COQ8B: variants seen among roughly 807,000 people sequenced by gnomAD.
COQ8B encodes the protein atypical kinase COQ8B, mitochondrial.
COQ8B carries 44 observed loss-of-function variants against 62.0 expected under a neutral mutation model. That is an observed-to-expected ratio of 0.71 (90% CI 0.56 to 0.91). The LOEUF (loss-of-function observed/expected upper bound fraction) is 0.91. Among genes scored for constraint, COQ8B ranks in the 40% least tolerant of loss-of-function variants. The pLI is 0.00. For synonymous variants in COQ8B, 252 were observed against 289.9 expected (o/e 0.87, Z 1.33); for missense variants, 649 against 731.6 (o/e 0.89, Z 1.30).
chr19:40,715,268 G>A (rs2082177325), intron 1 of COQ8B: 37 of 986,070 alleles, frequency 3.8e-5, no homozygotes, highest in Non-Finnish European at 4.1e-5. Flanking sequence ...GCCCATCTGG[G>A]GGGATTGCTG....
chr19:40,710,812 A>G (rs765031687), intron 4 of COQ8B, among the ~76,000 whole-genome samples: 4 of 152,182 alleles, frequency 2.6e-5, no homozygotes, highest in Non-Finnish European at 4.4e-5. Flanking sequence ...AGCACCTCAG[A>G]TAATTCTAAT....
chr19:40,707,760 T>C (rs914419422), intron 5 of COQ8B, among the ~76,000 whole-genome samples: 4 of 152,210 alleles, frequency 2.6e-5, no homozygotes, highest in African/African-American at 9.6e-5. Flanking sequence ...CGGCCTCACT[T>C]AGTGTTTTCA....
At chr19:40,713,738 A>C (rs1272972307) in intron 4 of COQ8B, among the ~76,000 whole-genome samples, 4 of 145,004 alleles carry the variant, frequency 2.8e-5, no homozygotes, top group Non-Finnish European at 3.0e-5. Context: ...AAAAAAAATT[A>C]CCCGGGCGGA....
chr19:40,699,954 C>T, intron 12 of COQ8B, 113 bp downstream of exon 12: 1 of 997,524 alleles, frequency 1.0e-6, no homozygotes, highest in South Asian at 1.5e-5. Context: ...GGAAAAGGGC[C>T]ACCCCTGCCT....
intron 12 of COQ8B, among the ~76,000 whole-genome samples, chr19:40,698,753 G>C (rs918399437): frequency 2.6e-5 from 4 of 152,180 alleles, no homozygotes; most frequent in Non-Finnish European, 2.9e-5. Flanking sequence ...TGAGGGGGCT[G>C]TGAAGCTGTA....
At chr19:40,712,949 C>T (rs1180351248) in intron 4 of COQ8B, among the ~76,000 whole-genome samples, 1 of 152,162 alleles carries the variant, frequency 6.6e-6, no homozygotes, top group Non-Finnish European at 1.5e-5. Flanking sequence ...AGCAGTGGCT[C>T]ATGCCTAGAA....
At chr19:40,709,429 C>A (rs954768653) in intron 5 of COQ8B, among the ~76,000 whole-genome samples, 1 of 152,190 alleles carries the variant, frequency 6.6e-6, no homozygotes, top group Non-Finnish European at 1.5e-5. Flanking sequence ...TTTTTTATAA[C>A]GGCAAATGCT....
chr19:40,699,487 C>G (rs1286632885), intron 12 of COQ8B, among the ~76,000 whole-genome samples: 1 of 152,264 alleles, frequency 6.6e-6, no homozygotes, highest in African/African-American at 2.4e-5. Context: ...GCCAGGTCCC[C>G]CCACTGGACT....
At chr19:40,713,280 G>A (rs1054698853) in intron 4 of COQ8B, among the ~76,000 whole-genome samples, 7 of 152,128 alleles carry the variant, frequency 4.6e-5, no homozygotes, top group Admixed American at 2.0e-4. Context: ...TGAGGCAGGC[G>A]GATCACAAAG....
intron 13 of COQ8B, among the ~76,000 whole-genome samples, 184 bp downstream of exon 13, chr19:40,695,805 T>A (rs940411839): frequency 1.3e-5 from 2 of 152,224 alleles, no homozygotes; most frequent in Non-Finnish European, 2.9e-5. Flanking sequence ...TCGGTTCCTA[T>A]ACGTAAGCAC....
chr19:40,715,220 C>T, intron 1 of COQ8B: 1 of 985,096 alleles, frequency 1.0e-6, no homozygotes, highest in Non-Finnish European at 1.2e-6. Flanking sequence ...AGAGAGAGGC[C>T]CTAGCGATGG....
chr19:40,700,422 C>G lies in COQ8B; in HGVS notation c.923G>C (p.Arg308Pro). The G allele has an allele frequency of 1.9e-6, 3 of 1,613,832 alleles. No homozygotes were observed. Among genetic ancestry groups the G allele is most frequent in the Non-Finnish European group, 2.5e-6 (3 of 1,179,934 alleles). The change falls in exon 11 of 15, where the codon CGG (arginine) becomes CCG (proline). Residue 308 changes from arginine to proline, a missense_variant. Transcript: ENST00000324464. ...RQLLANDPFFRVPAVVKELCT... is the reference protein window; with the variant it reads ...RQLLANDPFFPVPAVVKELCT... ...CAGCTCCTTAACCACGGCTGGGACC[C>G]GGAAGAAGGGGTCATTTGCCAGCAG...
In COQ8B at chr19:40,692,960, A is replaced by G; in HGVS notation, c.1287T>C (p.Phe429=). 1 of 1,613,706 alleles carries G rather than the reference A, an allele frequency of 6.2e-7. No individual in the cohort carries two copies. Among genetic ancestry groups the G allele is most frequent in the South Asian group, 1.1e-5 (1 of 91,050 alleles). Residue 429 remains phenylalanine, a synonymous_variant, in exon 14 of 15, where the codon TTT becomes TTC. Transcript: ENST00000324464. ...KSRDLKFLTG[F]ETKAFSDAHV... Reference sequence around the variant, plus strand: ...CCCAGTGTCTCCCCACCTTGGTTTCAAAGCCTGTGAGGAATTTGAGGTCCC... The same window carrying G: ...CCCAGTGTCTCCCCACCTTGGTTTCGAAGCCTGTGAGGAATTTGAGGTCCC...
At chr19:40,712,484 A>G (rs1458568021) in intron 4 of COQ8B, among the ~76,000 whole-genome samples, 1 of 151,758 alleles carries the variant, frequency 6.6e-6, no homozygotes, top group African/African-American at 2.4e-5. Context: ...GCTACTCAGG[A>G]GGCTGAGGCA....
chr19:40,714,272 T>C lies in COQ8B; in HGVS notation c.222+6A>G. On this transcript the variant is annotated splice_donor_region_variant and intron_variant, in intron 3 of 14. Coordinates refer to ENST00000324464, the MANE Select transcript of COQ8B (RefSeq NM_024876.4). ...GGTGTTGCTGGGTGGGTGGGGGTAA[T>C]GATACCTGGGGCCGGGGTGTCTTCC... 1 of 1,610,754 alleles carries C rather than the reference T, an allele frequency of 6.2e-7. No individual in the cohort carries two copies. The highest frequency in any genetic ancestry group is 8.5e-7 in the Non-Finnish European group (1 of 1,178,202).
chr19:40,702,702 G>A lies in COQ8B; in HGVS notation c.800-9C>T, dbSNP rs768628572. ...CTGCTCGGCAAACAGGCCTGTGGGG[G>A]AGGTGTGTCAGCCAGGGAAGGGCCC... On this transcript the variant is annotated splice_polypyrimidine_tract_variant and intron_variant, in intron 9 of 14. Transcript: ENST00000324464. The A allele has an allele frequency of 5.6e-5, 90 of 1,605,890 alleles. No homozygotes were observed. Among genetic ancestry groups the A allele is most frequent in the Non-Finnish European group, 6.8e-5 (80 of 1,179,842 alleles).
At chr19:40,703,657 G>A (rs756123742) in intron 8 of COQ8B, 35 bp from the exon 9 acceptor site, 26 of 1,613,496 alleles carry the variant, frequency 1.6e-5, no homozygotes, top group Non-Finnish European at 2.0e-5. Flanking sequence ...GAAGGTGGGA[G>A]TCACTTCTCT....
At position 40,711,671 on chromosome 19, in the gene COQ8B, C is replaced by T. The variant is rs111789675; in HGVS notation, c.290-1535G>A. Among the ~76,000 whole-genome samples, 13 of 152,280 alleles carry T rather than the reference C, an allele frequency of 8.5e-5. 1 individual carries two copies. The highest frequency in any genetic ancestry group is 2.9e-4 in the African/African-American group (12 of 41,564). ...CTACCTCTCCTCTTGTCCCTAAAGACGTCTCGGGTCTCTCTCCTTCTTTTG... is the reference window on the plus strand; with the variant it reads ...CTACCTCTCCTCTTGTCCCTAAAGATGTCTCGGGTCTCTCTCCTTCTTTTG... On this transcript the variant is annotated intron_variant, in intron 4 of 14. Transcript: ENST00000324464.
At chr19:40,695,930 C>T (rs2082011310) in intron 13 of COQ8B, 59 bp downstream of exon 13, 1 of 1,545,098 alleles carries the variant, frequency 6.5e-7, no homozygotes, top group Admixed American at 1.7e-5. Context: ...ACTCCTCTGC[C>T]TCAGTATATG....
Sources: allele counts gnomAD v4.1 joint callset (sites outside exome capture counted in the v4.1 genomes callset), GRCh38; gene constraint gnomAD v4.1.1; transcripts MANE v1.5; gene names NCBI Gene and HGNC (gene_info 2026-07-23, HGNC 2026-07-21).